Variants in BAHCC1 observed in about 807,000 individuals in gnomAD.
BAHCC1 encodes the protein BAH and coiled-coil domain-containing protein 1.
Under a neutral mutation model 88.2 loss-of-function variants are expected in BAHCC1, and 43 were observed. That is an observed-to-expected ratio of 0.49 (90% CI 0.38 to 0.63). The LOEUF (loss-of-function observed/expected upper bound fraction) is 0.63, where lower values mean the gene tolerates loss of function less well. BAHCC1 is among the 20% of genes least tolerant of loss of function. BAHCC1 has a pLI of 0.00. For synonymous variants in BAHCC1, 1,510 were observed against 745.5 expected (o/e 2.03, Z -16.71); for missense variants, 3,023 against 1,654.8 (o/e 1.83, Z -14.34).
At chr17:81,406,881 G>A in intron 2 of BAHCC1, 2 of 456,308 alleles carry the variant, frequency 4.4e-6, no homozygotes, top group South Asian at 3.1e-5. Context: ...GAGCCAGCCG[G>A]GCTGGCATGC....
intron 2 of BAHCC1, among the ~76,000 whole-genome samples, chr17:81,422,143 C>G (rs1170820077): frequency 1.3e-5 from 2 of 152,204 alleles, no homozygotes; most frequent in African/African-American, 4.8e-5. Flanking sequence ...TCCCAAATAG[C>G]TGGGATTACA....
chr17:81,464,035 G>A lies in BAHCC1; in HGVS notation c.*218G>A, dbSNP rs2030529984. On this transcript the variant is annotated 3_prime_UTR_variant, in exon 28 of 28. Transcript: ENST00000675386. ...CAGTCCCGTCCCATCCTCTGCGGAGGGTCGGGCTGTGGCCCTCATGGGTCC... is the reference window on the plus strand; with the variant it reads ...CAGTCCCGTCCCATCCTCTGCGGAGAGTCGGGCTGTGGCCCTCATGGGTCC... 9 of 585,954 alleles carry A rather than the reference G, an allele frequency of 1.5e-5. No individual in the cohort carries two copies. The Admixed American group carries it at 2.4e-4, about 16-fold the overall frequency. The allele number at this position is 585,954 out of a possible 1,614,324, so 36.3% of individuals were successfully genotyped here. A position where few individuals can be genotyped will look rare whatever the true frequency, so the allele number is the denominator to read the frequency against.
intron 3 of BAHCC1, among the ~76,000 whole-genome samples, chr17:81,432,019 G>T (rs2064266555): frequency 6.6e-6 from 1 of 152,186 alleles, no homozygotes; most frequent in East Asian, 1.9e-4. Context: ...CAGGGCAGGG[G>T]TCGTCACAGA....
At chr17:81,433,756 C>G (rs1016558121) in intron 3 of BAHCC1, among the ~76,000 whole-genome samples, 5 of 152,152 alleles carry the variant, frequency 3.3e-5, no homozygotes. Context: ...ACCGAGGTCC[C>G]CGTGTGCTCA....
Position 81,444,495 on chromosome 17 carries a change from C to G in BAHCC1, c.2439C>G (p.Pro813=). Residue 813 remains proline, a synonymous_variant, in exon 7 of 28, where the codon CCC becomes CCG. Coordinates refer to ENST00000675386, the MANE Select transcript of BAHCC1 (RefSeq NM_001377448.1). ...QSGQLGGDPA[P]HTHPHPPWLP... Reference sequence around the variant, plus strand: ...GCCAGCTGGGCGGGGACCCAGCCCCCCACACCCACCCCCATCCCCCCTGGC... The same window carrying G: ...GCCAGCTGGGCGGGGACCCAGCCCCGCACACCCACCCCCATCCCCCCTGGC... 2 of 705,602 alleles carry G rather than the reference C, an allele frequency of 2.8e-6. No individual in the cohort carries two copies. The highest frequency in any genetic ancestry group is 5.2e-6 in the Non-Finnish European group (2 of 382,714). 43.7% of individuals were successfully genotyped at this position (705,602 alleles called of 1,614,324 possible).
rs1419039943 is a variant in BAHCC1, at chr17:81,441,690, AGAG to A, written c.482-140_482-138del. 3.2e-4 allele frequency: 135 copies of A among 418,480 alleles called. No individual in the cohort carries two copies. In the Middle Eastern group the frequency reaches 4.8e-3, roughly 15 times the overall value. The allele number at this position is 418,480 out of a possible 1,614,324, so 25.9% of individuals were successfully genotyped here. Reference sequence around the variant, plus strand: ...TCTCAAAAAAAAAAAAAAAAAAAAAAGAGCAAAAACCTTCCCTAGGCTGTAACC... The same window carrying A: ...TCTCAAAAAAAAAAAAAAAAAAAAAACAAAAACCTTCCCTAGGCTGTAACC... On this transcript the variant is annotated intron_variant, in intron 4 of 27. Transcript: ENST00000675386.
intron 2 of BAHCC1, among the ~76,000 whole-genome samples, chr17:81,426,159 T>G: frequency 2.0e-5 from 3 of 151,340 alleles, no homozygotes; most frequent in East Asian, 2.0e-4. Flanking sequence ...GGTGATGTGG[T>G]TGGGGGTGAT....
In BAHCC1 at chr17:81,399,154, C is replaced by A. The variant is rs535185195; in HGVS notation, c.-206-380C>A. 9.4e-6 allele frequency: 3 copies of A among 320,588 alleles called. No individual in the cohort carries two copies. The highest frequency in any genetic ancestry group is 3.8e-5 in the South Asian group (2 of 52,008). The allele number at this position is 320,588 out of a possible 1,614,324, so 19.9% of individuals were successfully genotyped here. ...GTGTGTGTGTGTGTGTGTGTGTGTG[C>A]GAGTGTGCGTGATGGCTTCGCAGAT... On this transcript the variant is annotated intron_variant, in intron 1 of 27. Transcript: ENST00000675386. The surrounding 1 kb of genome is among the most constrained non-coding windows in gnomAD (Gnocchi z 4.5).
At chr17:81,432,505 G>A (rs1015605589) in intron 3 of BAHCC1, among the ~76,000 whole-genome samples, 1 of 127,530 alleles carries the variant, frequency 7.8e-6, no homozygotes, top group Non-Finnish European at 1.7e-5. Flanking sequence ...CCTGTGGCTT[G>A]AGGGCGGCCC....
intron 1 of BAHCC1, among the ~76,000 whole-genome samples, chr17:81,397,676 C>G (rs1343660613): frequency 6.6e-6 from 1 of 152,148 alleles, no homozygotes; most frequent in Non-Finnish European, 1.5e-5. Context: ...TCGCAGCCCC[C>G]TCGCCAGAGC....
rs569151852 is a variant in BAHCC1, at chr17:81,442,953, C to T, written c.1604C>T (p.Pro535Leu). Residue 535 changes from proline to leucine, a missense_variant, in exon 5 of 28, where the codon CCC (proline) becomes CTC (leucine). Transcript: ENST00000675386. ...KTVGKEAPAGPPGAQKVARIR... is the reference protein window; with the variant it reads ...KTVGKEAPAGLPGAQKVARIR... ...GTTGGCAAGGAAGCCCCGGCCGGCC[C>T]CCCAGGGGCACAGAAGGTGGCCCGC... The T allele has an allele frequency of 5.1e-6, 4 of 779,148 alleles. No homozygotes were observed. Among genetic ancestry groups the T allele is most frequent in the Non-Finnish European group, 7.2e-6 (3 of 417,856 alleles). The allele number at this position is 779,148 out of a possible 1,614,324, so 48.3% of individuals were successfully genotyped here.
At chr17:81,397,880 C>T (rs550018202) in intron 1 of BAHCC1, among the ~76,000 whole-genome samples, 4 of 152,274 alleles carry the variant, frequency 2.6e-5, no homozygotes, top group South Asian at 4.1e-4. Context: ...CAAAAGCTCT[C>T]CGAATAAATA....
At chr17:81,429,248 G>A (rs898887056) in intron 3 of BAHCC1, among the ~76,000 whole-genome samples, 8 of 152,206 alleles carry the variant, frequency 5.3e-5, no homozygotes, top group Admixed American at 2.0e-4. Context: ...AGGCCCACCC[G>A]GGGCTGAGGA....
In BAHCC1 at chr17:81,399,973, C is replaced by T. The variant is rs2063793380; in HGVS notation, c.178+56C>T. On this transcript the variant is annotated intron_variant, in intron 2 of 27. Transcript: ENST00000675386. This position sits in a 1 kb window ranked among gnomAD's most constrained non-coding sequence, Gnocchi z 4.5. The stretch of plus-strand genomic sequence containing the variant: ...GGGAGCGTTCGAGAGCGGAACAGGG[C>T]GCCCACCCCTCCGCTCCCGGGAGCA... 4 of 1,244,120 alleles carry T rather than the reference C, an allele frequency of 3.2e-6. No homozygotes were observed. The highest frequency in any genetic ancestry group is 2.3e-5 in the South Asian group (1 of 43,408). 77.1% of individuals were successfully genotyped at this position (1,244,120 alleles called of 1,614,324 possible).
At position 81,442,138 on chromosome 17, in the gene BAHCC1, G is replaced by T; in HGVS notation, c.789G>T (p.Arg263Ser). The change falls in exon 5 of 28, where the codon AGG becomes AGT. Residue 263 changes from arginine (R) to serine (S), a missense_variant. Coordinates refer to ENST00000675386, the MANE Select transcript of BAHCC1 (RefSeq NM_001377448.1). ...CCGTGCCAGCCGACGGGCACTGCAG[G>T]GAGGGCGGCCCCGCACCCCGAGGGG... ...VLPVPADGHC[R>S]EGGPAPRGAC... 2 of 665,862 alleles carry T rather than the reference G, an allele frequency of 3.0e-6. No individual in the cohort carries two copies. Among genetic ancestry groups the T allele is most frequent in the South Asian group, 3.3e-5 (2 of 60,386 alleles). The allele number at this position is 665,862 out of a possible 1,614,324, so 41.2% of individuals were successfully genotyped here. A position where few individuals can be genotyped will look rare whatever the true frequency, so the allele number is the denominator to read the frequency against.
chr17:81,448,657 G>T (rs1477529653), intron 11 of BAHCC1, among the ~76,000 whole-genome samples: 1 of 152,152 alleles, frequency 6.6e-6, no homozygotes, highest in African/African-American at 2.4e-5. Flanking sequence ...GCTCACCACC[G>T]CGATGAAGAG....
intron 2 of BAHCC1, chr17:81,422,944 C>T: frequency 7.0e-6 from 2 of 283,730 alleles, no homozygotes; most frequent in South Asian, 5.2e-5. Context: ...CCCCAGTGTC[C>T]CCAAGCAGGG....
intron 4 of BAHCC1, among the ~76,000 whole-genome samples, chr17:81,441,071 C>T (rs575237040): frequency 1.3e-4 from 19 of 151,904 alleles, no homozygotes; most frequent in African/African-American, 4.6e-4. Context: ...CCCGCGTCCC[C>T]CGAAAATCCA....
chr17:81,418,796 C>CGTGTGTGTGTGCGCAT (rs1555649117), intron 2 of BAHCC1, among the ~76,000 whole-genome samples: 47 of 144,800 alleles, frequency 3.2e-4, no homozygotes, highest in Non-Finnish European at 6.3e-4. Flanking sequence ...TACGTGTGTG[C>CGTGTGTGTGTGCGCAT]GTGTGTGTGT....
Sources: allele counts gnomAD v4.1 joint callset (sites outside exome capture counted in the v4.1 genomes callset), GRCh38; gene constraint gnomAD v4.1.1; non-coding constraint Gnocchi (gnomAD v3.1); transcripts MANE v1.5; gene names NCBI Gene and HGNC (gene_info 2026-07-23, HGNC 2026-07-21).